CAPN13: variants seen among roughly 807,000 people sequenced by gnomAD.
The protein encoded by CAPN13 is calpain-13.
CAPN13 carries 90 observed loss-of-function variants against 98.4 expected under a neutral mutation model. The observed-to-expected ratio is 0.92, with a 90% CI of 0.77 to 1.09. CAPN13 has a LOEUF of 1.09. Ranked by LOEUF, CAPN13 falls within the 50% of genes least tolerant of loss-of-function variation. CAPN13 has a pLI of 0.00. For missense variants in CAPN13, 887 were observed against 841.3 expected, an observed-to-expected ratio of 1.05 and a Z score of -0.67; for synonymous variants, 330 against 305.5, an observed-to-expected ratio of 1.08 and a Z score of -0.84.
chr2:30,760,604 G>C (rs1672801892), intron 7 of CAPN13, among the ~76,000 whole-genome samples: 1 of 152,234 alleles, frequency 6.6e-6, no homozygotes, highest in Non-Finnish European at 1.5e-5. Flanking sequence ...CCCGCCTAGA[G>C]GGAGGATGAG....
chr2:30,794,790 A>G (rs546007271), intron 1 of CAPN13, among the ~76,000 whole-genome samples: 1 of 152,154 alleles, frequency 6.6e-6, no homozygotes, highest in African/African-American at 2.4e-5. Flanking sequence ...AGTAGAATAC[A>G]TATTATATGA....
At chr2:30,752,255 A>T (rs530417938) in intron 10 of CAPN13, among the ~76,000 whole-genome samples, 2 of 152,306 alleles carry the variant, frequency 1.3e-5, no homozygotes, top group Admixed American at 1.3e-4. Flanking sequence ...GAAGGGATGC[A>T]TATGCATCCC....
chr2:30,759,066 C>T (rs1012831070), intron 7 of CAPN13, among the ~76,000 whole-genome samples: 2 of 14,020 alleles, frequency 1.4e-4, no homozygotes, highest in Non-Finnish European at 3.1e-4. Context: ...CTCCCTCCCT[C>T]CCTCCTCCCT....
chr2:30,776,156 C>A lies in CAPN13; in HGVS notation c.272-111G>T, dbSNP rs564878842. ...GCTACACAATTCCTTCTAAATAATG[C>A]ATTTTTTTTTCCTCTGAGAGAGGAG... On this transcript the variant is annotated intron_variant, in intron 3 of 22. Coordinates refer to ENST00000295055, the MANE Select transcript of CAPN13 (RefSeq NM_144575.3). The A allele has an allele frequency of 2.3e-5, 14 of 613,534 alleles. No homozygotes were observed. In the South Asian group the frequency reaches 3.2e-4, roughly 14 times the overall value. The allele number at this position is 613,534 out of a possible 1,614,324, so 38.0% of individuals were successfully genotyped here.
chr2:30,759,552 AGAG>A (rs1267816138), intron 7 of CAPN13, among the ~76,000 whole-genome samples: 1 of 152,220 alleles, frequency 6.6e-6, no homozygotes, highest in Admixed American at 6.5e-5. Flanking sequence ...ATTCTTGGTC[AGAG>A]GAGAAGGACA....
intron 15 of CAPN13, among the ~76,000 whole-genome samples, chr2:30,739,858 C>A (rs1671562622): frequency 6.6e-6 from 1 of 152,156 alleles, no homozygotes; most frequent in Admixed American, 6.5e-5. Flanking sequence ...TCAACCACCA[C>A]AATGCAAGAT....
chr2:30,794,799 G>T (rs1420882201), intron 1 of CAPN13, among the ~76,000 whole-genome samples: 1 of 151,874 alleles, frequency 6.6e-6, no homozygotes, highest in African/African-American at 2.4e-5. Context: ...CATATTATAT[G>T]ACTCCATTTA....
At chr2:30,735,321 T>C (rs759360641) in intron 18 of CAPN13, among the ~76,000 whole-genome samples, 3 of 152,214 alleles carry the variant, frequency 2.0e-5, no homozygotes, top group Non-Finnish European at 4.4e-5. Flanking sequence ...TTTGGGTCTA[T>C]GCCTAGCTGT....
At chr2:30,772,842 C>T (rs1328369691) in intron 4 of CAPN13, among the ~76,000 whole-genome samples, 8 of 147,318 alleles carry the variant, frequency 5.4e-5, no homozygotes, top group African/African-American at 1.8e-4. Context: ...TTTTTTGAGA[C>T]GGAGTCTCGC....
chr2:30,737,779 G>A (rs1024142610), intron 17 of CAPN13: 1 of 166,982 alleles, frequency 6.0e-6, no homozygotes, highest in African/African-American at 2.4e-5. Context: ...GCTATAAAGG[G>A]GCGGTTTAGG....
chr2:30,742,054 A>C (rs185587336), intron 14 of CAPN13, 90 bp from the exon 15 acceptor site: 7 of 1,227,012 alleles, frequency 5.7e-6, no homozygotes, highest in Non-Finnish European at 8.3e-6. Flanking sequence ...CCCTGCCAAG[A>C]TCTGAGAAAG....
Position 30,777,626 on chromosome 2 carries a change from C to T in CAPN13, c.212G>A (p.Gly71Asp). 1 of 1,575,692 alleles carries T rather than the reference C, an allele frequency of 6.3e-7. No homozygotes were observed. The highest frequency in any genetic ancestry group is 8.6e-7 in the Non-Finnish European group (1 of 1,158,916). ...IWKRPQDLPGGPPHFILDDIS... is the reference protein window; with the variant it reads ...IWKRPQDLPGDPPHFILDDIS... Reference sequence around the variant, plus strand: ...ATCATCCAGGATGAAGTGAGGAGGACCCCCTGGTAGATCCTTTAGGAAAGA... The same window carrying T: ...ATCATCCAGGATGAAGTGAGGAGGATCCCCTGGTAGATCCTTTAGGAAAGA... Residue 71 changes from glycine (G) to aspartate (D), a missense_variant, in exon 3 of 23, where the codon GGT becomes GAT. By Grantham distance (94) the Gly-to-Asp change is moderately conservative. Coordinates refer to ENST00000295055, the MANE Select transcript of CAPN13 (RefSeq NM_144575.3).
chr2:30,732,378 C>A, intron 20 of CAPN13, 60 bp downstream of exon 20: 2 of 1,603,834 alleles, frequency 1.2e-6, no homozygotes, highest in Non-Finnish European at 1.7e-6. Context: ...GGTGTCCGGT[C>A]CTCTCCTGTG....
intron 2 of CAPN13, among the ~76,000 whole-genome samples, chr2:30,785,793 A>G (rs1021457592): frequency 2.0e-5 from 3 of 152,240 alleles, no homozygotes; most frequent in Non-Finnish European, 4.4e-5. Flanking sequence ...CTCTGAAAAT[A>G]GCAAAGGGAA....
rs772839642 is a variant in CAPN13, at chr2:30,754,276, A to C, written c.941+14T>G. On this transcript the variant is annotated intron_variant, in intron 9 of 22. Coordinates refer to ENST00000295055, the MANE Select transcript of CAPN13 (RefSeq NM_144575.3). ...AAAAGATTTAAAACACCATTGTATA[A>C]GAAGGGTAAATACCAAAACTCGCCA... The C allele has an allele frequency of 1.9e-6, 3 of 1,592,200 alleles. No homozygotes were observed. The South Asian group carries it at 3.5e-5, about 18-fold the overall frequency.
At chr2:30,745,633 C>T (rs978992665) in intron 12 of CAPN13, 90 bp downstream of exon 12, 1 of 1,319,196 alleles carries the variant, frequency 7.6e-7, no homozygotes, top group Non-Finnish European at 1.1e-6. Context: ...AGCCACTGAA[C>T]ACGTGGAGGC....
chr2:30,801,472 G>A (rs1318540699), intron 1 of CAPN13, among the ~76,000 whole-genome samples: 1 of 151,818 alleles, frequency 6.6e-6, no homozygotes, highest in African/African-American at 2.4e-5. Flanking sequence ...GGGCGTGGTG[G>A]TGTGCACCTG....
intron 2 of CAPN13, among the ~76,000 whole-genome samples, chr2:30,784,057 G>T (rs58472648): frequency 0.1 from 15,714 of 152,030 alleles, 2,502 homozygotes; most frequent in African/African-American, 0.34. Context: ...GCTCATGCCT[G>T]TAATCCCGGC....
intron 7 of CAPN13, among the ~76,000 whole-genome samples, chr2:30,760,307 G>T (rs1015980304): frequency 6.6e-6 from 1 of 152,152 alleles, no homozygotes; most frequent in Non-Finnish European, 1.5e-5. Flanking sequence ...GGATGGATAC[G>T]CAGTTTATTG....
Sources: allele counts gnomAD v4.1 joint callset (sites outside exome capture counted in the v4.1 genomes callset), GRCh38; gene constraint gnomAD v4.1.1; transcripts MANE v1.5; gene names NCBI Gene and HGNC (gene_info 2026-07-23, HGNC 2026-07-21).